Variants in TMEM170A observed in about 807,000 individuals in gnomAD.
TMEM170A encodes transmembrane protein 170A.
In TMEM170A, 18 loss-of-function variants were observed where a neutral mutation model predicts 12.8. The observed-to-expected ratio is 1.41, with a 90% CI of 0.97 to 2.09. The LOEUF is 2.09. Among genes scored for constraint, TMEM170A ranks in the 30% most tolerant of loss-of-function variants. TMEM170A has a pLI of 0.00. For missense variants in TMEM170A, 220 were observed against 179.9 expected, an observed-to-expected ratio of 1.22 and a Z score of -1.28; for synonymous variants, 107 against 76.2, an observed-to-expected ratio of 1.40 and a Z score of -2.11.
intron 1 of TMEM170A, among the ~76,000 whole-genome samples, chr16:75,463,970 C>G (rs577376144): frequency 3.9e-5 from 6 of 152,246 alleles, no homozygotes; most frequent in Non-Finnish European, 8.8e-5. Flanking sequence ...GCCCCAGGCG[C>G]CCGCGATCAG....
intron 1 of TMEM170A, among the ~76,000 whole-genome samples, chr16:75,463,046 A>G (rs1362180453): frequency 6.6e-6 from 1 of 152,154 alleles, no homozygotes; most frequent in Non-Finnish European, 1.5e-5. Context: ...GTGGTTATAT[A>G]TATAGAGAGA....
intron 1 of TMEM170A, among the ~76,000 whole-genome samples, chr16:75,459,266 C>A (rs1303571899): frequency 6.6e-6 from 1 of 152,158 alleles, no homozygotes; most frequent in African/African-American, 2.4e-5. Flanking sequence ...AGAGCAGAAT[C>A]CTCTAGTGGA....
At chr16:75,461,179 G>A (rs987312839) in intron 1 of TMEM170A, among the ~76,000 whole-genome samples, 8 of 151,612 alleles carry the variant, frequency 5.3e-5, no homozygotes, top group Non-Finnish European at 7.4e-5. Context: ...TCAGCCTCCC[G>A]AGTAGCTGGA....
chr16:75,460,406 T>G (rs915686009), intron 1 of TMEM170A, among the ~76,000 whole-genome samples: 1 of 152,160 alleles, frequency 6.6e-6, no homozygotes, highest in Non-Finnish European at 1.5e-5. Context: ...TCCTCCTCTG[T>G]GCGTTGCCGA....
chr16:75,453,377 T>C (rs1251829591), intron 1 of TMEM170A, among the ~76,000 whole-genome samples: 1 of 152,152 alleles, frequency 6.6e-6, no homozygotes. Context: ...GAGGTTGCAG[T>C]AAGTCAAGAT....
intron 1 of TMEM170A, chr16:75,452,515 T>C (rs1185114260): frequency 6.6e-6 from 1 of 152,078 alleles, no homozygotes; most frequent in East Asian, 1.9e-4. Context: ...AGTGGGAGTT[T>C]CGCCAGGCTG....
In TMEM170A at chr16:75,444,921, T is replaced by C. The variant is rs2079558234; in HGVS notation, c.*2637A>G. 1 of 152,204 alleles carries C rather than the reference T, an allele frequency of 6.6e-6. No homozygotes were observed. Among genetic ancestry groups the C allele is most frequent in the African/African-American group, 2.4e-5 (1 of 41,456 alleles). The allele number at this position is 152,204 out of a possible 1,614,324, so 9.4% of individuals were successfully genotyped here. Reference sequence around the variant, plus strand: ...TGAAAAATATCTAACATTTTAATCATGTATCAGTACTTCAAAAGTTACTGT... The same window carrying C: ...TGAAAAATATCTAACATTTTAATCACGTATCAGTACTTCAAAAGTTACTGT... On this transcript the variant is annotated 3_prime_UTR_variant, in exon 3 of 3. Transcript: ENST00000561878.
intron 1 of TMEM170A, chr16:75,464,239 C>G (rs1173933705): frequency 6.7e-7 from 1 of 1,502,998 alleles, no homozygotes; most frequent in Admixed American, 2.1e-5. Flanking sequence ...CACCTGCGGC[C>G]GCTCTCTGCA....
chr16:75,455,448 T>C (rs906850071), intron 1 of TMEM170A, among the ~76,000 whole-genome samples: 1 of 151,800 alleles, frequency 6.6e-6, no homozygotes, highest in Non-Finnish European at 1.5e-5. Flanking sequence ...CAGTTGCATG[T>C]AGAATAAGAT....
rs956101238 is a variant in TMEM170A at position 75,447,440 on chromosome 16, T to C, written c.*118A>G. ...AGGCTGAGATGTGTTGTCCTTCATG[T>C]TCCTGTTCATCCAAGTTGCTTCCCT... On this transcript the variant is annotated 3_prime_UTR_variant, in exon 3 of 3. Transcript: ENST00000561878. 7 of 1,168,794 alleles carry C rather than the reference T, an allele frequency of 6.0e-6. No individual in the cohort carries two copies. The highest frequency in any genetic ancestry group is 3.2e-5 in the African/African-American group (2 of 63,334). The allele number at this position is 1,168,794 out of a possible 1,614,324, so 72.4% of individuals were successfully genotyped here.
chr16:75,451,355 G>A (rs943915441), intron 2 of TMEM170A: 10 of 443,626 alleles, frequency 2.3e-5, no homozygotes, highest in South Asian at 1.3e-4. Context: ...TTCGAGACCC[G>A]GGCAACATGA....
chr16:75,452,057 T>C (rs1440417077), intron 1 of TMEM170A, among the ~76,000 whole-genome samples: 3 of 152,096 alleles, frequency 2.0e-5, no homozygotes, highest in Admixed American at 6.6e-5. Context: ...CTGCAAGCTC[T>C]GCCTCCTGGG....
rs1030098066 is a variant in TMEM170A at position 75,446,273 on chromosome 16, A to G, written c.*1285T>C. 3 of 152,218 alleles carry G rather than the reference A, an allele frequency of 2.0e-5. No individual in the cohort carries two copies. In the East Asian group the frequency reaches 5.8e-4, roughly 29 times the overall value. The allele number at this position is 152,218 out of a possible 1,614,324, so 9.4% of individuals were successfully genotyped here. ...CCACCACACTGATTGTATTCCATAC[A>G]AAACAGTTTAGGTGGAAAGGATCAC... On this transcript the variant is annotated 3_prime_UTR_variant, in exon 3 of 3. Transcript: ENST00000561878.
At chr16:75,462,451 C>T (rs995252404) in intron 1 of TMEM170A, among the ~76,000 whole-genome samples, 2 of 152,196 alleles carry the variant, frequency 1.3e-5, no homozygotes, top group African/African-American at 2.4e-5. Context: ...TCAGGTGATA[C>T]GCCTGCCTCA....
rs983045854 is a variant in TMEM170A, at chr16:75,446,405, A to G, written c.*1153T>C. 2 of 152,162 alleles carry G rather than the reference A, an allele frequency of 1.3e-5. No homozygotes were observed. Among genetic ancestry groups the G allele is most frequent in the Admixed American group, 6.5e-5 (1 of 15,276 alleles). 9.4% of individuals were successfully genotyped at this position (152,162 alleles called of 1,614,324 possible). On this transcript the variant is annotated 3_prime_UTR_variant, in exon 3 of 3. Coordinates refer to ENST00000561878, the MANE Select transcript of TMEM170A (RefSeq NM_145254.3). The stretch of plus-strand genomic sequence containing the variant: ...AGTAGAATAAAAATTTAAATAGCTA[A>G]AATTAAGTTTTAAAAAAACTCTTGA...
rs964490888 is a variant in TMEM170A, at chr16:75,445,814, T to C, written c.*1744A>G. 6.6e-6 allele frequency: 1 copy of C among 151,902 alleles called. No individual in the cohort carries two copies. The highest frequency in any genetic ancestry group is 1.5e-5 in the Non-Finnish European group (1 of 68,024). 9.4% of individuals were successfully genotyped at this position (151,902 alleles called of 1,614,324 possible). A position where few individuals can be genotyped will look rare whatever the true frequency, so the allele number is the denominator to read the frequency against. On this transcript the variant is annotated 3_prime_UTR_variant, in exon 3 of 3. Coordinates refer to ENST00000561878, the MANE Select transcript of TMEM170A (RefSeq NM_145254.3). Reference sequence around the variant, plus strand: ...TGTGTATTGCTTTAAATGGAATAGATACGTTCATGTGTATATGACCTCATG... The same window carrying C: ...TGTGTATTGCTTTAAATGGAATAGACACGTTCATGTGTATATGACCTCATG...
upstream of TMEM170A, chr16:75,464,709 T>C: frequency 1.4e-6 from 2 of 1,415,574 alleles, no homozygotes; most frequent in Non-Finnish European, 1.9e-6. Context: ...CGGGGTCCTC[T>C]TCCCCCAATC....
chr16:75,462,438 A>G (rs897394064), intron 1 of TMEM170A, among the ~76,000 whole-genome samples: 1 of 152,130 alleles, frequency 6.6e-6, no homozygotes, highest in African/African-American at 2.4e-5. Flanking sequence ...TGAACTCCTG[A>G]CTTCAGGTGA....
In TMEM170A at chr16:75,444,205, A is replaced by C. The variant is rs1222199923; in HGVS notation, c.*3353T>G. ...AAGCAGAGGCCGGGTGTGGTGGCTC[A>C]TGCCTGTAATCCCAGCACTTTGGGA... On this transcript the variant is annotated 3_prime_UTR_variant, in exon 3 of 3. Coordinates refer to ENST00000561878, the MANE Select transcript of TMEM170A (RefSeq NM_145254.3). The C allele has an allele frequency of 6.6e-6, 1 of 152,088 alleles. No homozygotes were observed. The allele number at this position is 152,088 out of a possible 1,614,324, so 9.4% of individuals were successfully genotyped here. A position where few individuals can be genotyped will look rare whatever the true frequency, so the allele number is the denominator to read the frequency against.
Sources: gnomAD v4.1 joint callset for allele counts (sites outside exome capture counted in the v4.1 genomes callset) on GRCh38, gnomAD v4.1.1 for gene constraint, MANE v1.5 for transcripts, NCBI Gene and HGNC (gene_info 2026-07-23, HGNC 2026-07-21) for gene names.